Variants in PCDH9 observed in about 807,000 individuals in gnomAD.
PCDH9 encodes the protein protocadherin-9.
Under a neutral mutation model 70.6 loss-of-function variants are expected in PCDH9, and 24 were observed. The observed-to-expected ratio is 0.34, with a 90% CI of 0.25 to 0.48. PCDH9 has a LOEUF of 0.48. Among genes scored for constraint, PCDH9 ranks in the 20% least tolerant of loss-of-function variants. PCDH9 has a pLI of 0.99. For synonymous variants in PCDH9, 562 were observed against 558.5 expected (o/e 1.01, Z -0.09); for missense variants, 1,281 against 1,503.6 (o/e 0.85, Z 2.45).
chr13:66,544,431 G>C (rs1454247679), intron 4 of PCDH9, among the ~76,000 whole-genome samples: 1 of 152,158 alleles, frequency 6.6e-6, no homozygotes, highest in African/African-American at 2.4e-5. Flanking sequence ...AGTGATGCAG[G>C]CCAGGCAGGT....
At chr13:66,986,271 C>T (rs559100316) in intron 2 of PCDH9, among the ~76,000 whole-genome samples, 2 of 151,870 alleles carry the variant, frequency 1.3e-5, no homozygotes, top group East Asian at 1.9e-4. Context: ...GATTCAATTA[C>T]CTCCCACCAT....
At chr13:66,640,031 C>T (rs974489481) in intron 3 of PCDH9, among the ~76,000 whole-genome samples, 2 of 152,050 alleles carry the variant, frequency 1.3e-5, no homozygotes, top group Non-Finnish European at 2.9e-5. Context: ...ATTTAGTTTT[C>T]TAGAAAAAAC....
intron 3 of PCDH9, among the ~76,000 whole-genome samples, chr13:66,852,633 G>A (rs758487423): frequency 2.0e-5 from 3 of 152,152 alleles, no homozygotes; most frequent in Non-Finnish European, 4.4e-5. Flanking sequence ...AAGGTGATCA[G>A]ATATTTTATA....
At chr13:67,048,468 C>T (rs2085264147) in intron 2 of PCDH9, among the ~76,000 whole-genome samples, 1 of 152,172 alleles carries the variant, frequency 6.6e-6, no homozygotes, top group Non-Finnish European at 1.5e-5. Flanking sequence ...GCAGAGCAGG[C>T]TGCCTGTCCC....
chr13:66,537,035 A>G (rs1960734566), intron 4 of PCDH9, among the ~76,000 whole-genome samples: 1 of 152,156 alleles, frequency 6.6e-6, no homozygotes, highest in Non-Finnish European at 1.5e-5. Context: ...TTGCTTATTT[A>G]TCTCTCAACA....
chr13:66,479,659 C>T (rs1012274966), intron 4 of PCDH9, among the ~76,000 whole-genome samples: 1 of 151,874 alleles, frequency 6.6e-6, no homozygotes, highest in African/African-American at 2.4e-5. Flanking sequence ...CACCAATCAG[C>T]AATCTGTAAA....
At chr13:67,084,542 A>G (rs1200929702) in intron 2 of PCDH9, among the ~76,000 whole-genome samples, 1 of 152,110 alleles carries the variant, frequency 6.6e-6, no homozygotes, top group African/African-American at 2.4e-5. Context: ...GGAGGTCAGG[A>G]CTTAACCATT....
intron 2 of PCDH9, among the ~76,000 whole-genome samples, chr13:66,924,678 T>C (rs959576988): frequency 6.6e-6 from 1 of 151,850 alleles, no homozygotes; most frequent in Non-Finnish European, 1.5e-5. Context: ...ATATAAAAAC[T>C]ATATATACAT....
intron 4 of PCDH9, among the ~76,000 whole-genome samples, chr13:66,600,788 G>A (rs2077156899): frequency 6.9e-6 from 1 of 143,956 alleles, no homozygotes; most frequent in African/African-American, 2.5e-5. Context: ...GTGTGTGTGT[G>A]TGTGTGTGTA....
chr13:66,519,821 G>A (rs1257391943), intron 4 of PCDH9, among the ~76,000 whole-genome samples: 10 of 152,266 alleles, frequency 6.6e-5, no homozygotes, highest in African/African-American at 2.4e-5. Context: ...AAAATATTGT[G>A]AGCCAGGATG....
intron 3 of PCDH9, among the ~76,000 whole-genome samples, chr13:66,783,051 G>T (rs965967987): frequency 2.0e-5 from 3 of 152,090 alleles, no homozygotes; most frequent in African/African-American, 7.2e-5. Flanking sequence ...AGGCCGTTTA[G>T]CTTGTTGAAG....
chr13:66,635,680 T>C (rs1455697768), intron 3 of PCDH9, among the ~76,000 whole-genome samples: 2 of 152,082 alleles, frequency 1.3e-5, no homozygotes, highest in Non-Finnish European at 2.9e-5. Flanking sequence ...AAAGAATGAG[T>C]CACCTAAGAA....
At chr13:66,934,193 G>T (rs1361640120) in intron 2 of PCDH9, among the ~76,000 whole-genome samples, 1 of 152,026 alleles carries the variant, frequency 6.6e-6, no homozygotes, top group East Asian at 1.9e-4. Flanking sequence ...TAAATAAGTT[G>T]ATTATTATTC....
In PCDH9 at chr13:66,913,294, T is replaced by C. The variant is rs564678709; in HGVS notation, c.3037-9689A>G. Among the ~76,000 whole-genome samples, 3 of 152,070 alleles carry C rather than the reference T, an allele frequency of 2.0e-5. No individual in the cohort carries two copies. The South Asian group carries it at 6.2e-4, about 32-fold the overall frequency. On this transcript the variant is annotated intron_variant, in intron 2 of 4. Coordinates refer to ENST00000377865, the MANE Select transcript of PCDH9 (RefSeq NM_203487.3). Reference sequence around the variant, plus strand: ...AGAAAGGAGTGCATAAGTTCTTTTTTTTATAGTGCACTAAAAGCAAACAAA... The same window carrying C: ...AGAAAGGAGTGCATAAGTTCTTTTTCTTATAGTGCACTAAAAGCAAACAAA...
chr13:66,952,051 ACT>A (rs1315151242), intron 2 of PCDH9, among the ~76,000 whole-genome samples: 1 of 152,202 alleles, frequency 6.6e-6, no homozygotes, highest in Non-Finnish European at 1.5e-5. Flanking sequence ...AGGCCTGGTA[ACT>A]ATACAAGTCG....
chr13:66,417,180 C>G (rs1957476184), intron 4 of PCDH9, among the ~76,000 whole-genome samples: 1 of 152,080 alleles, frequency 6.6e-6, no homozygotes, highest in Admixed American at 6.5e-5. Context: ...TCCCCCTTAC[C>G]CACTACCCAT....
chr13:67,101,307 G>A (rs1176209807), intron 2 of PCDH9, among the ~76,000 whole-genome samples: 1 of 152,132 alleles, frequency 6.6e-6, no homozygotes, highest in African/African-American at 2.4e-5. Flanking sequence ...ATGAGCTTCT[G>A]TGCAGCTGGA....
intron 2 of PCDH9, among the ~76,000 whole-genome samples, chr13:67,101,123 C>T (rs1043496382): frequency 3.3e-5 from 5 of 152,180 alleles, no homozygotes; most frequent in African/African-American, 1.2e-4. Context: ...TACCCTCTGC[C>T]ACTGCCATCA....
At chr13:66,395,247 T>G (rs1202688352) in intron 4 of PCDH9, among the ~76,000 whole-genome samples, 1 of 152,200 alleles carries the variant, frequency 6.6e-6, no homozygotes, top group African/African-American at 2.4e-5. Context: ...TGAGTAATAT[T>G]GATACATTCA....
Sources: gnomAD v4.1 joint callset for allele counts (sites outside exome capture counted in the v4.1 genomes callset) on GRCh38, gnomAD v4.1.1 for gene constraint, MANE v1.5 for transcripts, NCBI Gene and HGNC (gene_info 2026-07-23, HGNC 2026-07-21) for gene names.